UNC13B: variants seen among roughly 807,000 people sequenced by gnomAD.
UNC13B encodes unc-13 homolog B.
UNC13B carries 144 observed loss-of-function variants against 211.0 expected under a neutral mutation model. The observed-to-expected ratio is 0.68, with a 90% CI of 0.60 to 0.78. The LOEUF (loss-of-function observed/expected upper bound fraction) is 0.78, where lower values mean the gene tolerates loss of function less well. UNC13B is among the 30% of genes least tolerant of loss of function. UNC13B has a pLI of 0.00. For synonymous variants in UNC13B, 709 were observed against 725.8 expected, an observed-to-expected ratio of 0.98 and a Z score of 0.37; for missense variants, 1,777 against 2,002.0, an observed-to-expected ratio of 0.89 and a Z score of 2.14.
intron 15 of UNC13B, among the ~76,000 whole-genome samples, chr9:35,377,117 A>G (rs1834471360): frequency 6.6e-6 from 1 of 152,240 alleles, no homozygotes. Flanking sequence ...ATAAAAGGGG[A>G]CCAGGGAGAG....
chr9:35,333,960 G>GTTTTTTTTTTTTT (rs555795828), intron 11 of UNC13B, among the ~76,000 whole-genome samples: 1 of 128,076 alleles, frequency 7.8e-6, no homozygotes, highest in African/African-American at 3.1e-5. Context: ...TCATTTTTTT[G>GTTTTTTTTTTTTT]TTTGTTTTTT....
chr9:35,233,422 C>T (rs1487170087), intron 3 of UNC13B, among the ~76,000 whole-genome samples: 1 of 152,090 alleles, frequency 6.6e-6, no homozygotes, highest in Non-Finnish European at 1.5e-5. Context: ...GTGAATTTTG[C>T]CCTCTTCTTT....
At chr9:35,311,810 T>C (rs1434918133) in intron 10 of UNC13B, among the ~76,000 whole-genome samples, 2 of 152,182 alleles carry the variant, frequency 1.3e-5, no homozygotes, top group African/African-American at 4.8e-5. Flanking sequence ...CCTAGCAATG[T>C]GTCTGCCAAT....
chr9:35,255,600 C>G (rs1826834146), intron 6 of UNC13B, among the ~76,000 whole-genome samples: 1 of 152,014 alleles, frequency 6.6e-6, no homozygotes, highest in African/African-American at 2.4e-5. Flanking sequence ...GGAATCATAG[C>G]AGGTAGAAGT....
At chr9:35,199,261 G>C (rs1209723975) in intron 1 of UNC13B, among the ~76,000 whole-genome samples, 1 of 152,138 alleles carries the variant, frequency 6.6e-6, no homozygotes, top group African/African-American at 2.4e-5. Context: ...ATTTAGGTTG[G>C]TTGCAAGTCT....
chr9:35,332,375 C>G (rs1831423084), intron 11 of UNC13B, among the ~76,000 whole-genome samples: 1 of 152,118 alleles, frequency 6.6e-6, no homozygotes, highest in Admixed American at 6.5e-5. Context: ...TTAAAACTTC[C>G]CTCTTGAGCC....
At chr9:35,268,065 C>T (rs1827673395) in intron 7 of UNC13B, among the ~76,000 whole-genome samples, 1 of 152,292 alleles carries the variant, frequency 6.6e-6, no homozygotes, top group African/African-American at 2.4e-5. Flanking sequence ...TTCACATCAG[C>T]AAGTCTCCTG....
At chr9:35,364,158 C>T (rs1028594582) in intron 11 of UNC13B, among the ~76,000 whole-genome samples, 1 of 148,172 alleles carries the variant, frequency 6.7e-6, no homozygotes, top group Admixed American at 6.6e-5. Flanking sequence ...GGAAATCACT[C>T]TGTGCTCAGC....
At chr9:35,316,241 A>G (rs921397128) in intron 11 of UNC13B, among the ~76,000 whole-genome samples, 1 of 152,094 alleles carries the variant, frequency 6.6e-6, no homozygotes, top group African/African-American at 2.4e-5. Context: ...TTGGCACTCT[A>G]TTTTTAGGAA....
At chr9:35,238,288 A>G (rs1010809127) in intron 5 of UNC13B, among the ~76,000 whole-genome samples, 1 of 152,212 alleles carries the variant, frequency 6.6e-6, no homozygotes, top group Non-Finnish European at 1.5e-5. Context: ...GATAAAGTTA[A>G]AAGTTTATTT....
intron 1 of UNC13B, among the ~76,000 whole-genome samples, chr9:35,179,232 G>A (rs1821803165): frequency 6.6e-6 from 1 of 152,174 alleles, no homozygotes; most frequent in Non-Finnish European, 1.5e-5. Flanking sequence ...TGTTGGCTGT[G>A]AATCAGAGTC....
At chr9:35,241,339 G>A (rs1825796022) in intron 5 of UNC13B, among the ~76,000 whole-genome samples, 1 of 152,048 alleles carries the variant, frequency 6.6e-6, no homozygotes, top group Non-Finnish European at 1.5e-5. Flanking sequence ...ATTGTTTGAA[G>A]TTTGTACTGT....
Position 35,328,492 on chromosome 9 carries a change from C to T in UNC13B, c.9414+14503C>T, listed in dbSNP as rs567785164. ...TGAAAGCTGAGACTGGTCTAGTTCT[C>T]ATTCTCCAAAGCCACCAACTGAGAT... On this transcript the variant is annotated intron_variant, in intron 11 of 39. Coordinates refer to ENST00000635942, the MANE Select transcript of UNC13B (RefSeq NM_001371189.2). Among the ~76,000 whole-genome samples, 29 of 152,290 alleles carry T rather than the reference C, an allele frequency of 1.9e-4. No individual in the cohort carries two copies. The Middle Eastern group carries it at 0.01, about 54-fold the overall frequency.
At chr9:35,386,125 A>G (rs545590519) in intron 23 of UNC13B, 40 bp from the exon 24 acceptor site, 1 of 1,613,252 alleles carries the variant, frequency 6.2e-7, no homozygotes, top group African/African-American at 1.3e-5. Flanking sequence ...CACCCAGGTG[A>G]GCAGGTCCTT....
At chr9:35,255,343 A>G (rs943987552) in intron 6 of UNC13B, among the ~76,000 whole-genome samples, 1 of 151,412 alleles carries the variant, frequency 6.6e-6, no homozygotes, top group African/African-American at 2.4e-5. Context: ...CTTATTATTA[A>G]CATCTTACAT....
At chr9:35,171,793 G>T (rs1263221465) in intron 1 of UNC13B, among the ~76,000 whole-genome samples, 1 of 152,162 alleles carries the variant, frequency 6.6e-6, no homozygotes, top group Non-Finnish European at 1.5e-5. Context: ...TTGCTATGTA[G>T]TATCTTGTTA....
At chr9:35,171,816 G>A (rs4879875) in intron 1 of UNC13B, among the ~76,000 whole-genome samples, 146,095 of 152,288 alleles carry the variant, frequency 0.96, 70,355 homozygotes, top group East Asian at 1. Context: ...TGCATATACT[G>A]TTGTTTATTT....
At chr9:35,281,420 AAAAG>A (rs1828484886) in intron 7 of UNC13B, among the ~76,000 whole-genome samples, 1 of 142,338 alleles carries the variant, frequency 7.0e-6, no homozygotes, top group Non-Finnish European at 1.6e-5. Context: ...AAAAAAAAAA[AAAAG>A]AGAGAGAGAG....
chr9:35,358,650 T>A (rs1429277095), intron 11 of UNC13B, among the ~76,000 whole-genome samples: 1 of 152,056 alleles, frequency 6.6e-6, no homozygotes, highest in Non-Finnish European at 1.5e-5. Flanking sequence ...CTATTTTTTT[T>A]ATGAGTTTTA....
Sources: allele counts gnomAD v4.1 joint callset (sites outside exome capture counted in the v4.1 genomes callset), GRCh38; gene constraint gnomAD v4.1.1; transcripts MANE v1.5; gene names NCBI Gene and HGNC (gene_info 2026-07-23, HGNC 2026-07-21).